The following GRM1 variants were observed in gnomAD, a reference collection of about 807,000 sequenced individuals.
GRM1 encodes the protein glutamate metabotropic receptor 1, also known as metabotropic glutamate receptor 1.
GRM1 carries 33 observed loss-of-function variants against 90.9 expected under a neutral mutation model. That is an observed-to-expected ratio of 0.36 (90% CI 0.28 to 0.49). GRM1 has a LOEUF of 0.49. Ranked by LOEUF, GRM1 falls within the 20% of genes least tolerant of loss-of-function variation. The probability of loss-of-function intolerance (pLI) is 0.99; values close to 1 mark genes in which losing one functional copy is unlikely to be tolerated. For missense variants in GRM1, 1,190 were observed against 1,534.3 expected, an observed-to-expected ratio of 0.78 and a Z score of 3.75; for synonymous variants, 700 against 613.2, an observed-to-expected ratio of 1.14 and a Z score of -2.09.
chr6:146,254,069 A>G (rs1453382716), intron 2 of GRM1, among the ~76,000 whole-genome samples: 1 of 152,148 alleles, frequency 6.6e-6, no homozygotes, highest in Non-Finnish European at 1.5e-5. Context: ...CTGAGTATAA[A>G]CAACTTTGGC....
chr6:146,263,592 G>A lies in GRM1; in HGVS notation c.951-41019G>A, dbSNP rs1025594096. Among the ~76,000 whole-genome samples the A allele has an allele frequency of 3.4e-4, 52 of 151,840 alleles. 1 individual carries two copies. The highest frequency in any genetic ancestry group is 3.3e-3 in the Admixed American group (50 of 15,246). ...GCAATTCAGATTAGATCCTTATCTC[G>A]TACACAAGCATACATTTGCTTATTG... On this transcript the variant is annotated intron_variant, in intron 2 of 7. Transcript: ENST00000282753.
At position 146,380,686 on chromosome 6, in the gene GRM1, A is replaced by C. The variant is rs75875048; in HGVS notation, c.1603-6204A>C. Among the ~76,000 whole-genome samples the C allele has an allele frequency of 0.013, 1,941 of 152,222 alleles. 75 individuals are homozygous for C. In the East Asian group the frequency reaches 0.15, roughly 12 times the overall value. ...TCTTTCCCCTCTGCTTCTCCCAAGC[A>C]GAAGGAGTTTTGCCCCATATCCACC... is the stretch of plus-strand genomic sequence containing the variant. On this transcript the variant is annotated intron_variant, in intron 5 of 7. Coordinates refer to ENST00000282753, the MANE Select transcript of GRM1 (RefSeq NM_001278064.2).
chr6:146,122,855 T>TTTTTTTTTTTTTTTG, intron 1 of GRM1, among the ~76,000 whole-genome samples: 1 of 141,712 alleles, frequency 7.1e-6, no homozygotes, highest in Non-Finnish European at 1.5e-5. Context: ...TTTTTTTTTT[T>TTTTTTTTTTTTTTTG]TTTTTTTTTA....
At position 146,181,659 on chromosome 6, in the gene GRM1, CA is replaced by C. The variant is rs138886547; in HGVS notation, c.950+22066del. 9.7e-3 allele frequency among the ~76,000 whole-genome samples: 1,481 copies of C among 152,090 alleles called. 14 individuals carry two copies. The highest frequency in any genetic ancestry group is 0.034 in the African/African-American group (1,426 of 41,486). On this transcript the variant is annotated intron_variant, in intron 2 of 7. Transcript: ENST00000282753. ...AATGTTAGAAATTCATAGGTTGATC[CA>C]AAATATTATTATAGCTCAAGCTGTC...
intron 1 of GRM1, among the ~76,000 whole-genome samples, chr6:146,096,916 T>C (rs1315136666): frequency 6.6e-6 from 1 of 152,200 alleles, no homozygotes; most frequent in Non-Finnish European, 1.5e-5. Context: ...AAACACTCTG[T>C]GAATTTACTT....
intron 1 of GRM1, among the ~76,000 whole-genome samples, chr6:146,075,436 G>T (rs1562446980): frequency 6.7e-6 from 1 of 149,462 alleles, no homozygotes; most frequent in Non-Finnish European, 1.5e-5. Context: ...TAACTAAATT[G>T]TATGATATTT....
chr6:146,199,744 A>G (rs1360392356), intron 2 of GRM1, among the ~76,000 whole-genome samples: 1 of 151,754 alleles, frequency 6.6e-6, no homozygotes, highest in East Asian at 1.9e-4. Flanking sequence ...CTCACCGGGT[A>G]TGGTGGCTCA....
chr6:146,039,368 A>AATAT (rs1791013197), intron 1 of GRM1, among the ~76,000 whole-genome samples: 1 of 151,986 alleles, frequency 6.6e-6, no homozygotes. Context: ...ATGCTCAGGG[A>AATAT]CCTCTAAGAA....
chr6:146,197,941 A>G (rs1425589967), intron 2 of GRM1, among the ~76,000 whole-genome samples: 1 of 152,242 alleles, frequency 6.6e-6, no homozygotes, highest in African/African-American at 2.4e-5. Context: ...TTAGCAATAC[A>G]GTATTGTACA....
chr6:146,352,485 C>T lies in GRM1; in HGVS notation c.1422C>T (p.Asp474=), dbSNP rs371221115. The T allele has an allele frequency of 3.3e-5, 54 of 1,613,542 alleles. No homozygotes were observed. Among genetic ancestry groups the T allele is most frequent in the Middle Eastern group, 1.6e-4 (1 of 6,084 alleles). Residue 474 remains aspartate (D), a synonymous_variant, in exon 4 of 8, where the codon GAC becomes GAT. Transcript: ENST00000282753. Reference sequence around the variant, plus strand: ...AGGTGTGGTTTGATGAGAAAGGAGACGCTCCTGGAAGGTAATCTTTTCAGT... The same window carrying T: ...AGGTGTGGTTTGATGAGAAAGGAGATGCTCCTGGAAGGTAATCTTTTCAGT... ...GEEVWFDEKG[D]APGRYDIMNL...
chr6:146,221,973 A>T, intron 2 of GRM1, among the ~76,000 whole-genome samples: 1 of 152,128 alleles, frequency 6.6e-6, no homozygotes, highest in East Asian at 1.9e-4. Flanking sequence ...CACAGACCAC[A>T]CAAAAGTAGG....
chr6:146,386,788 G>C (rs1162181097), intron 5 of GRM1, 102 bp from the exon 6 acceptor site: 2 of 833,406 alleles, frequency 2.4e-6, no homozygotes, highest in African/African-American at 3.4e-5. Context: ...TTCATAGTTA[G>C]TCTTTTTTTC....
intron 2 of GRM1, among the ~76,000 whole-genome samples, chr6:146,302,736 TGTA>T: frequency 6.6e-6 from 1 of 152,152 alleles, no homozygotes; most frequent in Non-Finnish European, 1.5e-5. Context: ...CCCACAAGGC[TGTA>T]GCACCGTGGG....
intron 1 of GRM1, among the ~76,000 whole-genome samples, chr6:146,100,105 C>T (rs1777001709): frequency 6.6e-6 from 1 of 152,068 alleles, no homozygotes; most frequent in African/African-American, 2.4e-5. Flanking sequence ...TTTCCATTTA[C>T]TCTATTACCA....
chr6:146,068,998 T>G (rs960167791), intron 1 of GRM1, among the ~76,000 whole-genome samples: 1 of 152,242 alleles, frequency 6.6e-6, no homozygotes, highest in African/African-American at 2.4e-5. Context: ...TGCTTCTTGA[T>G]CTATGTGTTT....
intron 2 of GRM1, among the ~76,000 whole-genome samples, chr6:146,261,769 C>T (rs1184815417): frequency 6.6e-6 from 1 of 151,810 alleles, no homozygotes. Context: ...CTAATTTTAG[C>T]ATATGGGCTT....
intron 1 of GRM1, among the ~76,000 whole-genome samples, chr6:146,045,207 T>TA (rs1427887103): frequency 6.6e-6 from 1 of 152,016 alleles, no homozygotes; most frequent in Non-Finnish European, 1.5e-5. Context: ...TGTGCAAATT[T>TA]AAAAAATTAT....
chr6:146,315,055 C>G (rs373002035), intron 3 of GRM1, among the ~76,000 whole-genome samples: 1 of 152,102 alleles, frequency 6.6e-6, no homozygotes, highest in Non-Finnish European at 1.5e-5. Flanking sequence ...TCCCATGTCT[C>G]TAGGCCACAG....
Position 146,030,123 on chromosome 6 carries a change from G to A in GRM1, c.606G>A (p.Leu202=). ...ACAAAACTTTGTACAAATACTTCCTGAGGGTTGTCCCTTCTGACACTTTGC... is the reference window on the plus strand; with the variant it reads ...ACAAAACTTTGTACAAATACTTCCTAAGGGTTGTCCCTTCTGACACTTTGC... The part of the protein sequence containing the change: ...LSDKTLYKYF[L]RVVPSDTLQA... The change falls in exon 1 of 8, where the codon CTG becomes CTA. Residue 202 remains leucine (L), a synonymous_variant. Coordinates refer to ENST00000282753, the MANE Select transcript of GRM1 (RefSeq NM_001278064.2). 6.2e-7 allele frequency: 1 copy of A among 1,614,118 alleles called. No individual in the cohort carries two copies. The highest frequency in any genetic ancestry group is 8.5e-7 in the Non-Finnish European group (1 of 1,179,970).
Sources: gnomAD v4.1 joint callset for allele counts (sites outside exome capture counted in the v4.1 genomes callset) on GRCh38, gnomAD v4.1.1 for gene constraint, MANE v1.5 for transcripts, NCBI Gene and HGNC (gene_info 2026-07-23, HGNC 2026-07-21) for gene names.